The following MYO15A variants were observed in gnomAD, a reference collection of about 807,000 sequenced individuals.
MYO15A encodes myosin XVA.
Under a neutral mutation model 394.6 loss-of-function variants are expected in MYO15A, and 308 were observed. The observed-to-expected ratio is 0.78, with a 90% confidence interval of 0.71 to 0.86. MYO15A has a LOEUF of 0.86. Ranked by LOEUF, MYO15A falls within the 40% of genes least tolerant of loss-of-function variation. The pLI is 0.00. For missense variants in MYO15A, 4,606 were observed against 4,799.1 expected (o/e 0.96, Z 1.19); for synonymous variants, 1,957 against 2,003.8 (o/e 0.98, Z 0.62).
chr17:18,133,498 C>A, intron 12 of MYO15A, 112 bp downstream of exon 12: 3 of 1,388,922 alleles, frequency 2.2e-6, no homozygotes, highest in East Asian at 2.4e-5. Flanking sequence ...ATCACTTGTT[C>A]CTGTTTTTTT....
In MYO15A at chr17:18,132,382, G is replaced by C; in HGVS notation, c.4207-71G>C. On this transcript the variant is annotated intron_variant, in intron 10 of 65. Coordinates refer to ENST00000647165, the MANE Select transcript of MYO15A (RefSeq NM_016239.4). The surrounding 1 kb of genome is among the most constrained non-coding windows in gnomAD (Gnocchi z 4.6). ...CATGTGCACTTGTGGGCAGGCTTGG[G>C]CTTGTATGTGTGCCTGGGGGTCACC... 2 of 1,228,598 alleles carry C rather than the reference G, an allele frequency of 1.6e-6. No homozygotes were observed. The highest frequency in any genetic ancestry group is 1.7e-5 in the Admixed American group (1 of 58,702). 76.1% of individuals were successfully genotyped at this position (1,228,598 alleles called of 1,614,324 possible).
chr17:18,142,011 G>A, intron 23 of MYO15A, 68 bp from the exon 24 acceptor site: 1 of 1,583,456 alleles, frequency 6.3e-7, no homozygotes, highest in Non-Finnish European at 8.6e-7. Flanking sequence ...CGGACTTCTA[G>A]AGAGGGAGGG....
At chr17:18,163,450 C>T (rs2046805289) in intron 59 of MYO15A, 129 bp downstream of exon 59, 9 of 1,006,898 alleles carry the variant, frequency 8.9e-6, no homozygotes. Context: ...CACAGCCCCA[C>T]AAGGCAGGAC....
chr17:18,148,416 A>G lies in MYO15A; in HGVS notation c.6692-80A>G. ...TGAGGCTACAGATACAGGAAGCCTG[A>G]AAGGAAGAAGCAAGCAGGGAGGCAC... On this transcript the variant is annotated intron_variant, in intron 31 of 65. Coordinates refer to ENST00000647165, the MANE Select transcript of MYO15A (RefSeq NM_016239.4). This position sits in a 1 kb window ranked among gnomAD's most constrained non-coding sequence, Gnocchi z 4.8. 5 of 1,524,318 alleles carry G rather than the reference A, an allele frequency of 3.3e-6. No homozygotes were observed. The highest frequency in any genetic ancestry group is 4.4e-6 in the Non-Finnish European group (5 of 1,124,532). The allele number at this position is 1,524,318 out of a possible 1,614,324, so 94.4% of individuals were successfully genotyped here.
Position 18,166,230 on chromosome 17 carries a change from A to G in MYO15A, c.9788-131A>G. The G allele has an allele frequency of 2.7e-6, 3 of 1,108,482 alleles. No homozygotes were observed. The South Asian group carries it at 4.0e-5, about 15-fold the overall frequency. 68.7% of individuals were successfully genotyped at this position (1,108,482 alleles called of 1,614,324 possible). A position where few individuals can be genotyped will look rare whatever the true frequency, so the allele number is the denominator to read the frequency against. ...TAATGAGGAAGCTGTGTCCCAGAAC[A>G]GGCAGGTGGCTTGTCCGAGGTGATA... On this transcript the variant is annotated intron_variant, in intron 60 of 65. Coordinates refer to ENST00000647165, the MANE Select transcript of MYO15A (RefSeq NM_016239.4).
intron 3 of MYO15A, chr17:18,124,855 G>A (rs972038459): frequency 1.7e-6 from 1 of 585,678 alleles, no homozygotes; most frequent in Non-Finnish European, 3.0e-6. Flanking sequence ...TTGTGAGGAT[G>A]CCAGCACATT....
intron 54 of MYO15A, 112 bp downstream of exon 54, chr17:18,159,459 C>A: frequency 1.3e-6 from 2 of 1,485,098 alleles, no homozygotes; most frequent in Non-Finnish European, 1.9e-6. Context: ...CTCCCGCCAG[C>A]TCAGACATGG....
intron 1 of MYO15A, among the ~76,000 whole-genome samples, chr17:18,111,463 G>T (rs2045720888): frequency 6.6e-6 from 1 of 152,160 alleles, no homozygotes; most frequent in South Asian, 2.1e-4. Flanking sequence ...CCTGCACAGT[G>T]CTTGGCACAT....
intron 29 of MYO15A, among the ~76,000 whole-genome samples, chr17:18,144,896 G>T (rs1029012967): frequency 6.6e-6 from 1 of 152,078 alleles, no homozygotes; most frequent in Non-Finnish European, 1.5e-5. Flanking sequence ...GAAGGGGGAG[G>T]CAGAGTTGAC....
chr17:18,137,711 G>A, intron 16 of MYO15A, 32 bp downstream of exon 16: 1 of 1,604,798 alleles, frequency 6.2e-7, no homozygotes, highest in East Asian at 2.2e-5. Context: ...TCCTGTCCCT[G>A]TCTTGACTGG....
chr17:18,142,797 G>A lies in MYO15A; in HGVS notation c.5867G>A (p.Arg1956Gln), dbSNP rs769596933. ...ATGAGGAGGAGTCTGGTGAAGTTCCGGTCCCTGGTACACGCATACGTGAGC... is the reference window on the plus strand; with the variant it reads ...ATGAGGAGGAGTCTGGTGAAGTTCCAGTCCCTGGTACACGCATACGTGAGC... ...QQMRRSLVKF[R>Q]SLVHAYVSRR... Residue 1956 changes from arginine (R) to glutamine (Q), a missense_variant, in exon 25 of 66, where the codon CGG becomes CAG. Physicochemically the swap from Arg to Gln is conservative, Grantham distance 43 (BLOSUM62 1). This residue lies in a region of MYO15A where 2,776 missense variants were observed against 3,109.3 expected (regional missense o/e 0.89). Transcript: ENST00000647165. The A allele has an allele frequency of 6.1e-5, 98 of 1,613,508 alleles. No homozygotes were observed. The Admixed American group carries it at 1.3e-3, about 21-fold the overall frequency.
At chr17:18,174,384 G>A (rs1456927989) in intron 65 of MYO15A, among the ~76,000 whole-genome samples, 1 of 152,212 alleles carries the variant, frequency 6.6e-6, no homozygotes, top group Non-Finnish European at 1.5e-5. Flanking sequence ...CACTTTGGAA[G>A]GCTGAGGCAA....
chr17:18,131,253 A>T lies in MYO15A; in HGVS notation c.4053A>T (p.Thr1351=). 6.2e-7 allele frequency: 1 copy of T among 1,613,320 alleles called. No homozygotes were observed. The highest frequency in any genetic ancestry group is 2.2e-5 in the East Asian group (1 of 44,822). Residue 1351 remains threonine (T), a synonymous_variant, in exon 9 of 66, where the codon ACA becomes ACT. Coordinates refer to ENST00000647165, the MANE Select transcript of MYO15A (RefSeq NM_016239.4). Reference sequence around the variant, plus strand: ...CTGGAGTCCAGATCCTGGAGGCAACACCCCTCTTGGAGTCCTTCGGTAATG... The same window carrying T: ...CTGGAGTCCAGATCCTGGAGGCAACTCCCCTCTTGGAGTCCTTCGGTAATG... ...VMQQIKILEA[T]PLLESFGNAK... is the part of the protein sequence containing the mutation.
chr17:18,148,314 G>T lies in MYO15A; in HGVS notation c.6691+104G>T. The T allele has an allele frequency of 6.6e-7, 1 of 1,523,188 alleles. No individual in the cohort carries two copies. Among genetic ancestry groups the T allele is most frequent in the Non-Finnish European group, 8.9e-7 (1 of 1,122,528 alleles). 94.4% of individuals were successfully genotyped at this position (1,523,188 alleles called of 1,614,324 possible). A position where few individuals can be genotyped will look rare whatever the true frequency, so the allele number is the denominator to read the frequency against. The stretch of plus-strand genomic sequence containing the variant: ...CTGGATGTTCTGGAGCTGGGGAGGG[G>T]CCTTCTCAGATGTGGCTCTGCGTGA... On this transcript the variant is annotated intron_variant, in intron 31 of 65. Coordinates refer to ENST00000647165, the MANE Select transcript of MYO15A (RefSeq NM_016239.4). This position sits in a 1 kb window ranked among gnomAD's most constrained non-coding sequence, Gnocchi z 4.8.
chr17:18,178,370 GAAAA>G, intron 65 of MYO15A: 6 of 274,258 alleles, frequency 2.2e-5, no homozygotes, highest in South Asian at 6.8e-5. Context: ...CTCCATCTAG[GAAAA>G]AAAAAAAAAG....
intron 42 of MYO15A, 52 bp downstream of exon 42, chr17:18,152,236 T>G (rs1567653966): frequency 1.3e-6 from 2 of 1,520,492 alleles, no homozygotes; most frequent in Non-Finnish European, 1.8e-6. Context: ...TATGAGGAAG[T>G]CTGTGGGCAC....
intron 51 of MYO15A, 53 bp downstream of exon 51, chr17:18,157,953 C>A (rs2046709246): frequency 1.4e-6 from 2 of 1,445,032 alleles, no homozygotes; most frequent in African/African-American, 2.9e-5. Flanking sequence ...GAAGGGGCCG[C>A]TGCAGAAGGG....
At chr17:18,169,154 T>TAATAATAAA (rs1555548324) in intron 62 of MYO15A, among the ~76,000 whole-genome samples, 17 of 92,496 alleles carry the variant, frequency 1.8e-4, no homozygotes, top group African/African-American at 5.0e-4. Context: ...ATAATAATAA[T>TAATAATAAA]AATAAAAATA....
At position 18,117,738 on chromosome 17, in the gene MYO15A, T is replaced by A. The variant is rs4925140; in HGVS notation, c.-219-844T>A. ...CCTTAGGTCAGGCCATATGAAGCAA[T>A]CAGCTATGCCCAGAGAAGGCAGTAA... On this transcript the variant is annotated intron_variant, in intron 1 of 65. Coordinates refer to ENST00000647165, the MANE Select transcript of MYO15A (RefSeq NM_016239.4). This position sits in a 1 kb window ranked among gnomAD's most constrained non-coding sequence, Gnocchi z 4.1. Among the ~76,000 whole-genome samples, 314 of 152,186 alleles carry A rather than the reference T, an allele frequency of 2.1e-3. 2 individuals are homozygous for A. Among genetic ancestry groups the A allele is most frequent in the African/African-American group, 7.2e-3 (298 of 41,512 alleles).
Sources: gnomAD v4.1 joint callset for allele counts (sites outside exome capture counted in the v4.1 genomes callset) on GRCh38, gnomAD v4.1.1 for gene constraint, gnomAD v4.1.1 regional missense constraint, Gnocchi (gnomAD v3.1) non-coding constraint, MANE v1.5 for transcripts, NCBI Gene and HGNC (gene_info 2026-07-23, HGNC 2026-07-21) for gene names.